CAMTA1: variants seen among roughly 807,000 people sequenced by gnomAD.
The protein encoded by CAMTA1 is calmodulin-binding transcription activator 1.
In CAMTA1, 27 loss-of-function variants were observed where a neutral mutation model predicts 170.9. The ratio of observed to expected loss-of-function variants is 0.16; its 90% CI spans 0.12 to 0.22. The LOEUF (loss-of-function observed/expected upper bound fraction) is 0.22, where lower values mean the gene tolerates loss of function less well. CAMTA1 is among the 10% of genes least tolerant of loss of function. The pLI is 1.00. For synonymous variants in CAMTA1, 833 were observed against 891.5 expected (o/e 0.93, Z 1.17); for missense variants, 1,619 against 2,217.2 (o/e 0.73, Z 5.42).
chr1:7,623,648 G>A (rs1438800566), intron 6 of CAMTA1, among the ~76,000 whole-genome samples: 1 of 152,196 alleles, frequency 6.6e-6, no homozygotes, highest in Non-Finnish European at 1.5e-5. Context: ...ACAGGCATGC[G>A]CCACCACACC....
At chr1:6,870,344 C>A (rs1668042910) in intron 3 of CAMTA1, among the ~76,000 whole-genome samples, 1 of 151,708 alleles carries the variant, frequency 6.6e-6, no homozygotes. Context: ...AGTAGCTATG[C>A]AACTTAAAAA....
At chr1:7,546,324 T>G (rs2094692694) in intron 6 of CAMTA1, among the ~76,000 whole-genome samples, 1 of 152,204 alleles carries the variant, frequency 6.6e-6, no homozygotes, top group Non-Finnish European at 1.5e-5. Flanking sequence ...CCCTGCAAAG[T>G]ACATGTTCTC....
intron 5 of CAMTA1, among the ~76,000 whole-genome samples, chr1:7,255,866 G>A (rs1667296809): frequency 6.6e-6 from 1 of 152,168 alleles, no homozygotes; most frequent in Non-Finnish European, 1.5e-5. Context: ...ATCCTCGTTG[G>A]TTGTGCATCT....
At chr1:7,499,071 A>G (rs1414261876) in intron 6 of CAMTA1, among the ~76,000 whole-genome samples, 5 of 105,258 alleles carry the variant, frequency 4.8e-5, no homozygotes, top group South Asian at 3.5e-4. Context: ...GTGTGTATGT[A>G]TATGAGTGTG....
chr1:6,866,866 T>C (rs1666738219), intron 3 of CAMTA1, among the ~76,000 whole-genome samples: 2 of 152,254 alleles, frequency 1.3e-5, no homozygotes, highest in South Asian at 4.1e-4. Context: ...TGTATTTCTA[T>C]ATTCATAAAC....
intron 3 of CAMTA1, among the ~76,000 whole-genome samples, chr1:6,895,087 G>A (rs1239792493): frequency 6.6e-6 from 1 of 152,226 alleles, no homozygotes; most frequent in African/African-American, 2.4e-5. Flanking sequence ...TTTGGAGCAT[G>A]ATTGTCTAAG....
intron 3 of CAMTA1, among the ~76,000 whole-genome samples, chr1:6,899,552 G>GCACACACACA (rs916090781): frequency 3.1e-4 from 32 of 104,786 alleles, no homozygotes; most frequent in South Asian, 7.0e-4. Flanking sequence ...GCACGCGCGC[G>GCACACACACA]CGCACACACA....
chr1:7,639,776 A>G (rs1314157849), intron 6 of CAMTA1, among the ~76,000 whole-genome samples: 5 of 150,754 alleles, frequency 3.3e-5, no homozygotes, highest in Non-Finnish European at 7.4e-5. Flanking sequence ...GTCTAAAGAA[A>G]AAAAAAAAAA....
intron 6 of CAMTA1, among the ~76,000 whole-genome samples, chr1:7,616,794 C>A (rs890980919): frequency 1.3e-5 from 2 of 152,058 alleles, no homozygotes; most frequent in African/African-American, 4.8e-5. Flanking sequence ...GAGGGGTGAG[C>A]GCAGAAGCTG....
In CAMTA1 at chr1:6,868,318, T is replaced by A. The variant is rs1203587523; in HGVS notation, c.234+43108T>A. The stretch of plus-strand genomic sequence containing the variant: ...AGCGAGACTCTTTTTTTTTTTTTTT[T>A]AAAAACAAAACAAAACAAAACAAAA... On this transcript the variant is annotated intron_variant, in intron 3 of 22. Transcript: ENST00000303635. Among the ~76,000 whole-genome samples, 1,159 of 134,110 alleles carry A rather than the reference T, an allele frequency of 8.6e-3. 12 individuals carry two copies. Among genetic ancestry groups the A allele is most frequent in the African/African-American group, 0.026 (908 of 34,602 alleles). The allele number at this position is 134,110 out of a possible 152,430, so 88.0% of individuals were successfully genotyped here. A position where few individuals can be genotyped will look rare whatever the true frequency, so the allele number is the denominator to read the frequency against.
intron 6 of CAMTA1, among the ~76,000 whole-genome samples, chr1:7,472,727 G>A (rs1222762815): frequency 6.6e-6 from 1 of 152,142 alleles, no homozygotes; most frequent in Non-Finnish European, 1.5e-5. Context: ...CCTAGAAGTA[G>A]TGGGTGCAGG....
At chr1:7,515,404 G>T (rs529782671) in intron 6 of CAMTA1, among the ~76,000 whole-genome samples, 1 of 152,322 alleles carries the variant, frequency 6.6e-6, no homozygotes, top group East Asian at 1.9e-4. Context: ...GCCTCTGTAT[G>T]TGACTTCAGG....
chr1:6,999,650 T>A (rs1697901569), intron 3 of CAMTA1, among the ~76,000 whole-genome samples: 1 of 152,164 alleles, frequency 6.6e-6, no homozygotes, highest in South Asian at 2.1e-4. Flanking sequence ...CCCAAAGTGC[T>A]AGGATTATAC....
chr1:7,212,375 C>G (rs1426381973), intron 4 of CAMTA1, among the ~76,000 whole-genome samples: 1 of 152,148 alleles, frequency 6.6e-6, no homozygotes, highest in Non-Finnish European at 1.5e-5. Flanking sequence ...CCATCCCTCC[C>G]CACACATGGG....
chr1:7,372,521 T>G (rs1374203041), intron 5 of CAMTA1, among the ~76,000 whole-genome samples: 1 of 152,242 alleles, frequency 6.6e-6, no homozygotes, highest in Non-Finnish European at 1.5e-5. Flanking sequence ...ACTGAGCAGC[T>G]GCGGACGTAG....
At chr1:7,649,952 G>A (rs1218670744) in intron 7 of CAMTA1, among the ~76,000 whole-genome samples, 1 of 152,220 alleles carries the variant, frequency 6.6e-6, no homozygotes, top group African/African-American at 2.4e-5. Flanking sequence ...CTTTAAAAAT[G>A]GAAGGCTCCA....
chr1:7,737,234 CTG>C lies in CAMTA1; in HGVS notation c.3343-17_3343-16del. The C allele has an allele frequency of 6.2e-7, 1 of 1,605,128 alleles. No homozygotes were observed. ...CTTGACCTCTGATTGAGAACGCTTG[CTG>C]TGTCTCCCTGTCTTCTAGATGTGGG... is the stretch of plus-strand genomic sequence containing the variant. On this transcript the variant is annotated intron_variant, in intron 14 of 22. Coordinates refer to ENST00000303635, the MANE Select transcript of CAMTA1 (RefSeq NM_015215.4).
intron 3 of CAMTA1, among the ~76,000 whole-genome samples, chr1:7,016,010 A>G (rs987413460): frequency 2.0e-5 from 3 of 151,934 alleles, no homozygotes; most frequent in Non-Finnish European, 4.4e-5. Context: ...TGATTCAGTC[A>G]CCTCCCCCAG....
intron 3 of CAMTA1, chr1:6,873,921 G>A (rs996032791): frequency 6.6e-6 from 1 of 152,202 alleles, no homozygotes; most frequent in Non-Finnish European, 1.5e-5. Context: ...TATGTTACTG[G>A]TATCTGTTGA....
Sources: gnomAD v4.1 joint callset for allele counts (sites outside exome capture counted in the v4.1 genomes callset) on GRCh38, gnomAD v4.1.1 for gene constraint, MANE v1.5 for transcripts, NCBI Gene and HGNC (gene_info 2026-07-23, HGNC 2026-07-21) for gene names.